RAB31: variants seen among roughly 807,000 people sequenced by gnomAD.
RAB31 encodes ras-related protein Rab-31.
A neutral mutation model predicts 25.6 loss-of-function variants in RAB31; 21 were observed. The ratio of observed to expected loss-of-function variants is 0.82; its 90% CI spans 0.58 to 1.18. The LOEUF (loss-of-function observed/expected upper bound fraction) is 1.18, where lower values mean the gene tolerates loss of function less well. Among genes scored for constraint, RAB31 ranks in the 50% most tolerant of loss-of-function variants. The probability of loss-of-function intolerance (pLI) is 0.00; values close to 1 mark genes in which losing one functional copy is unlikely to be tolerated. For missense variants in RAB31, 196 were observed against 250.1 expected, an observed-to-expected ratio of 0.78 and a Z score of 1.46; for synonymous variants, 87 against 84.0, an observed-to-expected ratio of 1.04 and a Z score of -0.20.
chr18:9,838,084 C>T (rs1398466451), intron 5 of RAB31, among the ~76,000 whole-genome samples: 4 of 152,176 alleles, frequency 2.6e-5, no homozygotes, highest in East Asian at 1.9e-4. Flanking sequence ...TTATGGTGTG[C>T]CCGGCATTAT....
In RAB31 at chr18:9,862,358, C is replaced by T. The variant is rs1029803772; in HGVS notation, c.*3033C>T. ...TGTTGTGCAAACTGCTCCTTTTTCT[C>T]GTGTTTTTGTAAAGAGCTTCCATCT... On this transcript the variant is annotated 3_prime_UTR_variant, in exon 7 of 7. Transcript: ENST00000578921. The T allele has an allele frequency of 2.6e-5, 4 of 152,200 alleles. No homozygotes were observed. Among genetic ancestry groups the T allele is most frequent in the Admixed American group, 6.5e-5 (1 of 15,276 alleles). 9.4% of individuals were successfully genotyped at this position (152,200 alleles called of 1,614,324 possible).
intron 5 of RAB31, among the ~76,000 whole-genome samples, chr18:9,831,875 C>T (rs570611208): frequency 3.9e-5 from 6 of 152,290 alleles, no homozygotes; most frequent in African/African-American, 9.6e-5. Flanking sequence ...AGAGACAGAA[C>T]GCTCTGCAGG....
chr18:9,747,423 A>G (rs770011487), intron 1 of RAB31, among the ~76,000 whole-genome samples: 1 of 152,214 alleles, frequency 6.6e-6, no homozygotes, highest in African/African-American at 2.4e-5. Flanking sequence ...GTACTCAAAT[A>G]CTTGTACATT....
At chr18:9,778,557 G>T (rs1460447634) in intron 2 of RAB31, among the ~76,000 whole-genome samples, 1 of 152,016 alleles carries the variant, frequency 6.6e-6, no homozygotes. Flanking sequence ...TGCAACCTCC[G>T]CCTCCTGAGT....
At position 9,775,368 on chromosome 18, in the gene RAB31, G is replaced by T; in HGVS notation, c.119+11G>T. The T allele has an allele frequency of 6.2e-7, 1 of 1,613,660 alleles. No homozygotes were observed. The highest frequency in any genetic ancestry group is 1.3e-5 in the African/African-American group (1 of 75,022). On this transcript the variant is annotated intron_variant, in intron 2 of 6. Transcript: ENST00000578921. ...CAGCCCTACTATTGGGTAAGTTCCT[G>T]TATGTCATTCTCCTTCGCGTTGCTT... is the stretch of plus-strand genomic sequence containing the variant.
chr18:9,708,421 G>A lies in RAB31; in HGVS notation c.16G>A (p.Glu6Lys). MMAIR[E>K]LKVCLLGDTG... ...CTGCGAGCACATGATGGCGATACGG[G>A]AGCTCAAAGTGTGCCTTCTCGGGGT... Residue 6 changes from glutamate (E) to lysine (K), a missense_variant, in exon 1 of 7, where the codon GAG becomes AAG. Glu to Lys is a moderately conservative substitution (Grantham distance 56). Transcript: ENST00000578921. This position sits in a 1 kb window ranked among gnomAD's most constrained non-coding sequence, Gnocchi z 6.4. 2 of 1,570,030 alleles carry A rather than the reference G, an allele frequency of 1.3e-6. No homozygotes were observed. Among genetic ancestry groups the A allele is most frequent in the Non-Finnish European group, 1.7e-6 (2 of 1,159,704 alleles).
intron 1 of RAB31, among the ~76,000 whole-genome samples, chr18:9,752,830 G>A (rs1236914620): frequency 6.6e-6 from 1 of 152,252 alleles, no homozygotes; most frequent in South Asian, 2.1e-4. Context: ...TTTACTTTAT[G>A]GAATGTCTAC....
At chr18:9,806,040 G>A (rs1169486811) in intron 3 of RAB31, among the ~76,000 whole-genome samples, 2 of 152,126 alleles carry the variant, frequency 1.3e-5, no homozygotes, top group African/African-American at 2.4e-5. Context: ...AGCCAGGTGT[G>A]GTGGCAGGCA....
At chr18:9,750,879 G>A (rs987086858) in intron 1 of RAB31, among the ~76,000 whole-genome samples, 4 of 152,130 alleles carry the variant, frequency 2.6e-5, no homozygotes, top group South Asian at 2.1e-4. Context: ...ACTGGGTGTC[G>A]GGGGAGTGGG....
rs559983816 is a variant in RAB31, at chr18:9,786,352, A to G, written c.120-5802A>G. ...GCGTCTCTTCATCTGTATGCTTTGC[A>G]GTATCCTTTATGAGAAACTGGTCAC... On this transcript the variant is annotated intron_variant, in intron 2 of 6. Transcript: ENST00000578921. Among the ~76,000 whole-genome samples the G allele has an allele frequency of 3.3e-3, 501 of 152,348 alleles. 6 individuals carry two copies. Among genetic ancestry groups the G allele is most frequent in the Non-Finnish European group, 4.7e-3 (322 of 68,034 alleles).
At chr18:9,851,875 T>A (rs969893572) in intron 6 of RAB31, among the ~76,000 whole-genome samples, 2 of 151,924 alleles carry the variant, frequency 1.3e-5, no homozygotes, top group African/African-American at 4.8e-5. Flanking sequence ...TCATAATCTA[T>A]TTCAATATCA....
At chr18:9,844,339 T>A (rs1305791246) in intron 5 of RAB31, among the ~76,000 whole-genome samples, 8 of 152,164 alleles carry the variant, frequency 5.3e-5, no homozygotes, top group Admixed American at 5.2e-4. Context: ...AGAATCAACT[T>A]TTAATAATCT....
At chr18:9,807,022 G>C (rs1422528638) in intron 3 of RAB31, among the ~76,000 whole-genome samples, 1 of 152,200 alleles carries the variant, frequency 6.6e-6, no homozygotes, top group East Asian at 1.9e-4. Flanking sequence ...CTGGATATCT[G>C]AAGGCTCTTG....
chr18:9,843,441 G>C (rs938331433), intron 5 of RAB31, among the ~76,000 whole-genome samples: 55 of 151,704 alleles, frequency 3.6e-4, no homozygotes, highest in African/African-American at 1.2e-3. Context: ...ACCTACTCAG[G>C]AGGCTGAGGC....
intron 3 of RAB31, among the ~76,000 whole-genome samples, chr18:9,802,428 A>T (rs917686457): frequency 2.6e-5 from 4 of 152,232 alleles, no homozygotes; most frequent in African/African-American, 9.6e-5. Context: ...TAATCCCAGT[A>T]CTTTGGGAGG....
At chr18:9,818,372 A>G (rs1428242086) in intron 5 of RAB31, among the ~76,000 whole-genome samples, 4 of 152,098 alleles carry the variant, frequency 2.6e-5, no homozygotes, top group African/African-American at 9.7e-5. Context: ...ACTCGCTCTC[A>G]ATTTCCACCT....
intron 1 of RAB31, among the ~76,000 whole-genome samples, chr18:9,751,144 C>T (rs1335256108): frequency 6.6e-6 from 1 of 152,152 alleles, no homozygotes; most frequent in African/African-American, 2.4e-5. Flanking sequence ...AACAGTCCTC[C>T]TGCCTCAGAC....
chr18:9,732,395 A>G (rs888663271), intron 1 of RAB31, among the ~76,000 whole-genome samples: 3 of 152,230 alleles, frequency 2.0e-5, no homozygotes, highest in African/African-American at 7.2e-5. Flanking sequence ...TAGCCAGGTG[A>G]GCAGAGGGCA....
chr18:9,859,475 C>A lies in RAB31; in HGVS notation c.*150C>A. ...CCTGGAAGACCTGCAGGGGGCGGGG[C>A]AGGAAATGTACCTGAAAAGGATTTT... On this transcript the variant is annotated 3_prime_UTR_variant, in exon 7 of 7. Transcript: ENST00000578921. The A allele has an allele frequency of 1.7e-6, 1 of 581,166 alleles. No individual in the cohort carries two copies. 36.0% of individuals were successfully genotyped at this position (581,166 alleles called of 1,614,324 possible).
Sources: allele counts gnomAD v4.1 joint callset (sites outside exome capture counted in the v4.1 genomes callset), GRCh38; gene constraint gnomAD v4.1.1; non-coding constraint Gnocchi (gnomAD v3.1); transcripts MANE v1.5; gene names NCBI Gene and HGNC (gene_info 2026-07-23, HGNC 2026-07-21).